Variants in SLC14A2 observed in about 807,000 individuals in gnomAD.
The protein encoded by SLC14A2 is urea transporter 2.
In SLC14A2, 91 loss-of-function variants were observed where a neutral mutation model predicts 104.6. The ratio of observed to expected loss-of-function variants is 0.87; its 90% CI spans 0.73 to 1.04. SLC14A2 has a LOEUF of 1.04. Ranked by LOEUF, SLC14A2 falls within the 50% of genes least tolerant of loss-of-function variation. The pLI is 0.00. For synonymous variants in SLC14A2, 476 were observed against 466.4 expected (o/e 1.02, Z -0.27); for missense variants, 1,189 against 1,156.0 (o/e 1.03, Z -0.41).
In SLC14A2 at chr18:45,431,864, C is replaced by T. The variant is rs570664078; in HGVS notation, c.-124-51369C>T. Among the ~76,000 whole-genome samples the T allele has an allele frequency of 7.9e-5, 12 of 152,232 alleles. No individual in the cohort carries two copies. In the South Asian group the frequency reaches 8.3e-4, roughly 11 times the overall value. ...AAAATGAAGGAAGTGGGAAGTGTGA[C>T]GATGAGGAGAGGAAGAAACAAACTT... On this transcript the variant is annotated intron_variant, in intron 1 of 20. Coordinates refer to the SLC14A2 transcript ENST00000586448.
At chr18:45,369,806 CTT>C (rs997083287) in intron 1 of SLC14A2, among the ~76,000 whole-genome samples, 2 of 152,174 alleles carry the variant, frequency 1.3e-5, no homozygotes, top group African/African-American at 4.8e-5. Context: ...CATGAGGACT[CTT>C]TGGTGAGATT....
At chr18:45,618,129 C>T (rs1365254308) in intron 1 of SLC14A2, among the ~76,000 whole-genome samples, 3 of 152,114 alleles carry the variant, frequency 2.0e-5, no homozygotes, top group Non-Finnish European at 4.4e-5. Context: ...GACCAACCTG[C>T]CTCATGGGAA....
chr18:45,316,600 T>A (rs1374657382), intron 1 of SLC14A2, among the ~76,000 whole-genome samples: 1 of 152,210 alleles, frequency 6.6e-6, no homozygotes, highest in Non-Finnish European at 1.5e-5. Context: ...CTTCTCATGA[T>A]GCGTGGACCT....
chr18:45,462,710 G>A (rs2087067347), intron 1 of SLC14A2, among the ~76,000 whole-genome samples: 1 of 152,186 alleles, frequency 6.6e-6, no homozygotes, highest in Admixed American at 6.5e-5. Context: ...CAGGCGGCTT[G>A]ACACTTGAAT....
intron 1 of SLC14A2, among the ~76,000 whole-genome samples, chr18:45,401,936 C>A (rs1354234941): frequency 6.6e-6 from 1 of 152,146 alleles, no homozygotes; most frequent in African/African-American, 2.4e-5. Flanking sequence ...CTGCTTCAGA[C>A]CCTGTTAAGG....
At chr18:45,313,472 G>A (rs1028585903) in intron 1 of SLC14A2, among the ~76,000 whole-genome samples, 14 of 152,086 alleles carry the variant, frequency 9.2e-5, no homozygotes, top group Admixed American at 2.0e-4. Flanking sequence ...CTGCTATACC[G>A]TCTCTCATTC....
chr18:45,666,263 A>G, intron 12 of SLC14A2, 44 bp downstream of exon 12: 1 of 1,314,306 alleles, frequency 7.6e-7, no homozygotes, highest in Non-Finnish European at 1.1e-6. Flanking sequence ...CCCTACAGTC[A>G]CAGAGCCCAC....
At chr18:45,670,042 C>A (rs574273042) in intron 16 of SLC14A2, among the ~76,000 whole-genome samples, 1 of 152,138 alleles carries the variant, frequency 6.6e-6, no homozygotes. Flanking sequence ...GTGGGAGGAT[C>A]GCTTGAGCCC....
intron 1 of SLC14A2, among the ~76,000 whole-genome samples, chr18:45,400,929 C>T (rs1395249922): frequency 6.6e-6 from 1 of 152,226 alleles, no homozygotes; most frequent in African/African-American, 2.4e-5. Context: ...TCCTTTTCAT[C>T]TGGCTGTCTC....
intron 1 of SLC14A2, among the ~76,000 whole-genome samples, chr18:45,266,701 C>T (rs1035937291): frequency 6.6e-6 from 1 of 152,136 alleles, no homozygotes; most frequent in East Asian, 1.9e-4. Context: ...TCACCCTTTG[C>T]AGACACATTG....
intron 1 of SLC14A2, among the ~76,000 whole-genome samples, chr18:45,353,828 A>G (rs2085525753): frequency 6.6e-6 from 1 of 152,186 alleles, no homozygotes; most frequent in Admixed American, 6.5e-5. Context: ...TAGTCTACCT[A>G]TGGCTGCTTG....
At chr18:45,262,870 CTT>C (rs1427676012) in intron 1 of SLC14A2, among the ~76,000 whole-genome samples, 1 of 152,154 alleles carries the variant, frequency 6.6e-6, no homozygotes, top group Non-Finnish European at 1.5e-5. Flanking sequence ...TGGCTTTAAA[CTT>C]TGTATTTTGA....
At chr18:45,201,315 T>C in the SLC14A2 span, among the ~76,000 whole-genome samples, 1 of 152,162 alleles carries the variant, frequency 6.6e-6, no homozygotes, top group Non-Finnish European at 1.5e-5. Context: ...GGGAGTTATG[T>C]TCTATCTTCT....
intron 1 of SLC14A2, among the ~76,000 whole-genome samples, chr18:45,273,315 C>T (rs1461394635): frequency 6.6e-6 from 1 of 152,070 alleles, no homozygotes; most frequent in Non-Finnish European, 1.5e-5. Flanking sequence ...CTTGTAACTG[C>T]CTTGTTGGCT....
At chr18:45,650,926 A>G (rs1479961963) in intron 10 of SLC14A2, among the ~76,000 whole-genome samples, 1 of 151,514 alleles carries the variant, frequency 6.6e-6, no homozygotes, top group Admixed American at 6.6e-5. Context: ...TTTAGCAAAG[A>G]TGGGGTTTCA....
chr18:45,264,373 A>G (rs1006736765), intron 1 of SLC14A2, among the ~76,000 whole-genome samples: 3 of 152,232 alleles, frequency 2.0e-5, no homozygotes, highest in African/African-American at 7.2e-5. Context: ...TAAGGCACAT[A>G]AAGTATTTTC....
chr18:45,225,118 G>A (rs1318690264), intron 1 of SLC14A2, among the ~76,000 whole-genome samples: 1 of 152,098 alleles, frequency 6.6e-6, no homozygotes, highest in African/African-American at 2.4e-5. Context: ...GGTTTTTATG[G>A]TTCTAGGTCT....
chr18:45,670,184 AG>A (rs201244142), intron 16 of SLC14A2, among the ~76,000 whole-genome samples: 2 of 131,202 alleles, frequency 1.5e-5, no homozygotes, highest in African/African-American at 5.1e-5. Flanking sequence ...GTGTAAACTC[AG>A]GGCTTTTTCT....
At chr18:45,521,659 G>T (rs1043281408) in intron 2 of SLC14A2, among the ~76,000 whole-genome samples, 3 of 151,788 alleles carry the variant, frequency 2.0e-5, no homozygotes, top group Non-Finnish European at 4.4e-5. Flanking sequence ...ATTATGTCTG[G>T]CTCAAGTGAC....
Sources: gnomAD v4.1 joint callset for allele counts (sites outside exome capture counted in the v4.1 genomes callset) on GRCh38, gnomAD v4.1.1 for gene constraint, MANE v1.5 for transcripts, NCBI Gene and HGNC (gene_info 2026-07-23, HGNC 2026-07-21) for gene names.